EPAS1: variants seen among roughly 807,000 people sequenced by gnomAD.
EPAS1 encodes the protein endothelial PAS domain protein 1.
Under a neutral mutation model 87.9 loss-of-function variants are expected in EPAS1, and 23 were observed. The ratio of observed to expected loss-of-function variants is 0.26; its 90% CI spans 0.19 to 0.37. EPAS1 has a LOEUF of 0.37. EPAS1 is among the 10% of genes least tolerant of loss of function. The pLI, the probability that EPAS1 is intolerant of heterozygous loss-of-function variation, is 1.00. For synonymous variants in EPAS1, 508 were observed against 444.3 expected (o/e 1.14, Z -1.80); for missense variants, 1,138 against 1,120.7 (o/e 1.02, Z -0.22).
Position 46,375,984 on chromosome 2 carries a change from T to C in EPAS1, c.1034+147T>C. On this transcript the variant is annotated intron_variant, in intron 8 of 15. Coordinates refer to ENST00000263734, the MANE Select transcript of EPAS1 (RefSeq NM_001430.5). This position sits in a 1 kb window ranked among gnomAD's most constrained non-coding sequence, Gnocchi z 4.1. ...GGAGGTCTTGCAGGGCTAACCCTAG[T>C]GACTGAGAGGACTTCCTGTGGATGT... The C allele has an allele frequency of 9.3e-7, 1 of 1,078,288 alleles. No individual in the cohort carries two copies. The highest frequency in any genetic ancestry group is 1.4e-6 in the Non-Finnish European group (1 of 711,520). 66.8% of individuals were successfully genotyped at this position (1,078,288 alleles called of 1,614,324 possible). A position where few individuals can be genotyped will look rare whatever the true frequency, so the allele number is the denominator to read the frequency against.
intron 7 of EPAS1, among the ~76,000 whole-genome samples, chr2:46,370,432 G>T (rs1238092353): frequency 6.6e-6 from 1 of 152,222 alleles, no homozygotes; most frequent in African/African-American, 2.4e-5. Flanking sequence ...GAACAGAGGG[G>T]AAAGTATTAC....
chr2:46,297,529 C>T lies in EPAS1; in HGVS notation c.-383C>T. On this transcript the variant is annotated 5_prime_UTR_variant, in exon 1 of 16. Transcript: ENST00000263734. ...CTGTATGGTCAGCTCAGCCCGGCCT[C>T]CGACTCCTTCCGACTCCCAGCATTC... 5 of 312,426 alleles carry T rather than the reference C, an allele frequency of 1.6e-5. No individual in the cohort carries two copies. The highest frequency in any genetic ancestry group is 1.3e-4 in the South Asian group (5 of 37,576). The allele number at this position is 312,426 out of a possible 1,614,324, so 19.4% of individuals were successfully genotyped here. A position where few individuals can be genotyped will look rare whatever the true frequency, so the allele number is the denominator to read the frequency against.
At chr2:46,370,046 C>CT in intron 7 of EPAS1, 113 bp downstream of exon 7, 9 of 830,954 alleles carry the variant, frequency 1.1e-5, no homozygotes, top group Non-Finnish European at 1.8e-5. Flanking sequence ...GAGCTGCTGT[C>CT]TTGTGTGGCA....
At chr2:46,369,975 G>C in intron 7 of EPAS1, 42 bp downstream of exon 7, 1 of 1,480,462 alleles carries the variant, frequency 6.8e-7, no homozygotes, top group Non-Finnish European at 9.4e-7. Flanking sequence ...TTGTGTCTGT[G>C]GTATGTGGCC....
At position 46,360,704 on chromosome 2, in the gene EPAS1, G is replaced by A. The variant is rs1257582981; in HGVS notation, c.521G>A (p.Cys174Tyr). 3 of 1,614,020 alleles carry A rather than the reference G, an allele frequency of 1.9e-6. No individual in the cohort carries two copies. Among genetic ancestry groups the A allele is most frequent in the Admixed American group, 1.7e-5 (1 of 60,024 alleles). ...TERDFFMRMK[C>Y]TVTNRGRTVN... ...CGGGACTTCTTCATGAGGATGAAGT[G>A]CACGGTCACCAACAGAGGCCGTACT... The change falls in exon 5 of 16, where the codon TGC (cysteine) becomes TAC (tyrosine). Residue 174 changes from cysteine to tyrosine, a missense_variant. By Grantham distance (194) the Cys-to-Tyr change is radical. This residue lies in a region of EPAS1 where 351 missense variants were observed against 417.1 expected (regional missense o/e 0.84). Coordinates refer to ENST00000263734, the MANE Select transcript of EPAS1 (RefSeq NM_001430.5). The surrounding 1 kb of genome is among the most constrained non-coding windows in gnomAD (Gnocchi z 4.5).
intron 11 of EPAS1, 66 bp downstream of exon 11, chr2:46,378,833 T>A: frequency 7.3e-7 from 1 of 1,376,226 alleles, no homozygotes. Flanking sequence ...AAGGCTCACA[T>A]CCATTCTTGT....
At chr2:46,363,394 A>G (rs1169101945) in intron 6 of EPAS1, among the ~76,000 whole-genome samples, 4 of 152,352 alleles carry the variant, frequency 2.6e-5, no homozygotes, top group South Asian at 4.1e-4. Flanking sequence ...GCATCCCTAC[A>G]TAATAGAAAA....
chr2:46,360,481 T>G lies in EPAS1; in HGVS notation c.455-157T>G, dbSNP rs181254802. On this transcript the variant is annotated intron_variant, in intron 4 of 15. Transcript: ENST00000263734. This position sits in a 1 kb window ranked among gnomAD's most constrained non-coding sequence, Gnocchi z 4.5. ...GGAACCATTAGTTCACAGGCCATGA[T>G]GGAGCTCAGTGTTGATGGCAGACCA... Among the ~76,000 whole-genome samples the G allele has an allele frequency of 6.6e-6, 1 of 152,344 alleles. No homozygotes were observed. The highest frequency in any genetic ancestry group is 6.5e-5 in the Admixed American group (1 of 15,310).
Position 46,382,015 on chromosome 2 carries a change from A to T in EPAS1, c.2213A>T (p.Lys738Ile). ...PGGSTSHLMW[K>I]RMKNLRGGSC... ...GGCAGCACCTCACATTTGATGTGGA[A>T]ACGGATGAAGAACCTCAGGGGTGGG... Residue 738 changes from lysine to isoleucine, a missense_variant, in exon 14 of 16, where the codon AAA becomes ATA. Around this residue, in one of 4 missense-constraint regions of EPAS1, gnomAD observed 502 missense variants for 427.1 expected, o/e 1.18. Coordinates refer to ENST00000263734, the MANE Select transcript of EPAS1 (RefSeq NM_001430.5). 1 of 1,613,950 alleles carries T rather than the reference A, an allele frequency of 6.2e-7. No individual in the cohort carries two copies.
In EPAS1 at chr2:46,356,702, C is replaced by T. The variant is rs766872843; in HGVS notation, c.370-22C>T. ...TACTTCACTGTTAGGAATAATGATG[C>T]CTAACCTTGTTTTTGAAACAGGTGG... On this transcript the variant is annotated intron_variant, in intron 3 of 15. Transcript: ENST00000263734. The T allele has an allele frequency of 9.7e-5, 154 of 1,581,888 alleles. 1 individual carries two copies. Among genetic ancestry groups the T allele is most frequent in the Non-Finnish European group, 2.3e-5 (26 of 1,150,808 alleles).
rs962903509 is a variant in EPAS1 at position 46,386,224 on chromosome 2, A to ACTT, written c.*1565_*1567dup. On this transcript the variant is annotated 3_prime_UTR_variant, in exon 16 of 16. Transcript: ENST00000263734. ...GGTTTTTCAATACCAATTACATGGA[A>ACTT]CTTTTCTGTAATGGGTACAATGAAG... The ACTT allele has an allele frequency of 2.6e-5, 4 of 152,618 alleles. No homozygotes were observed. Among genetic ancestry groups the ACTT allele is most frequent in the African/African-American group, 9.6e-5 (4 of 41,452 alleles). The allele number at this position is 152,618 out of a possible 1,614,324, so 9.5% of individuals were successfully genotyped here.
Position 46,302,986 on chromosome 2 carries a change from T to C in EPAS1, c.26+5049T>C, listed in dbSNP as rs373472379. Among the ~76,000 whole-genome samples the C allele has an allele frequency of 1.2e-4, 18 of 152,148 alleles. No homozygotes were observed. The South Asian group carries it at 2.1e-3, about 18-fold the overall frequency. On this transcript the variant is annotated intron_variant, in intron 1 of 15. Coordinates refer to ENST00000263734, the MANE Select transcript of EPAS1 (RefSeq NM_001430.5). ...TACTCAAGAGGCTGAGGCAGGAGAA[T>C]CGCTTGAACCCGGGAGGCGGAGGTT...
Position 46,346,814 on chromosome 2 carries a change from C to T in EPAS1, c.27-59C>T, listed in dbSNP as rs923200295. 6.3e-7 allele frequency: 1 copy of T among 1,591,772 alleles called. No individual in the cohort carries two copies. Among genetic ancestry groups the T allele is most frequent in the Admixed American group, 1.7e-5 (1 of 58,052 alleles). On this transcript the variant is annotated intron_variant, in intron 1 of 15. Transcript: ENST00000263734. This position sits in a 1 kb window ranked among gnomAD's most constrained non-coding sequence, Gnocchi z 4.0. The stretch of plus-strand genomic sequence containing the variant: ...GTTGGGGCCATGGGGATGTCCTGGC[C>T]AGAGGTATGATAGGCTGACAGTAAC...
chr2:46,360,922 A>G lies in EPAS1; in HGVS notation c.611A>G (p.Asn204Ser), dbSNP rs770514486. Residue 204 changes from asparagine (N) to serine (S), a missense_variant, in exon 6 of 16, where the codon AAC becomes AGC. Coordinates refer to ENST00000263734, the MANE Select transcript of EPAS1 (RefSeq NM_001430.5). This position sits in a 1 kb window ranked among gnomAD's most constrained non-coding sequence, Gnocchi z 4.5. The stretch of plus-strand genomic sequence containing the variant: ...ACGGGCCAGGTGAAAGTCTACAACA[A>G]CTGCCCTCCTCACAATAGTCTGTGT... ...HCTGQVKVYN[N>S]CPPHNSLCGY... 4.3e-6 allele frequency: 7 copies of G among 1,614,120 alleles called. No individual in the cohort carries two copies. Among genetic ancestry groups the G allele is most frequent in the Admixed American group, 1.7e-5 (1 of 60,028 alleles).
intron 6 of EPAS1, among the ~76,000 whole-genome samples, chr2:46,363,615 A>G (rs1263604103): frequency 6.6e-6 from 1 of 152,186 alleles, no homozygotes; most frequent in Non-Finnish European, 1.5e-5. Flanking sequence ...ATGTACATAG[A>G]AAGGGGAAAG....
At chr2:46,322,218 A>AC (rs769990681) in intron 1 of EPAS1, among the ~76,000 whole-genome samples, 22 of 151,412 alleles carry the variant, frequency 1.5e-4, no homozygotes, top group African/African-American at 3.7e-4. Context: ...CAATATACAA[A>AC]CCCCTCCTCT....
chr2:46,324,000 A>C (rs1342913360), intron 1 of EPAS1, among the ~76,000 whole-genome samples: 2 of 152,252 alleles, frequency 1.3e-5, no homozygotes, highest in African/African-American at 2.4e-5. Flanking sequence ...CTGTGTATAT[A>C]GGGCAACCTC....
chr2:46,354,100 A>G (rs945757251), intron 2 of EPAS1, among the ~76,000 whole-genome samples: 1 of 152,240 alleles, frequency 6.6e-6, no homozygotes, highest in African/African-American at 2.4e-5. Context: ...TTCTTGAGGA[A>G]TAACAGCAGG....
At chr2:46,307,706 T>G (rs1041400799) in intron 1 of EPAS1, among the ~76,000 whole-genome samples, 2 of 152,082 alleles carry the variant, frequency 1.3e-5, no homozygotes, top group African/African-American at 4.8e-5. Context: ...CCATGGAAAT[T>G]AGTGCCCCCG....
Sources: gnomAD v4.1 joint callset for allele counts (sites outside exome capture counted in the v4.1 genomes callset) on GRCh38, gnomAD v4.1.1 for gene constraint, gnomAD v4.1.1 regional missense constraint, Gnocchi (gnomAD v3.1) non-coding constraint, MANE v1.5 for transcripts, NCBI Gene and HGNC (gene_info 2026-07-23, HGNC 2026-07-21) for gene names.